Variants in GRM8 observed in about 807,000 individuals in gnomAD.
GRM8 encodes metabotropic glutamate receptor 8.
Under a neutral mutation model 87.2 loss-of-function variants are expected in GRM8, and 47 were observed. The ratio of observed to expected loss-of-function variants is 0.54; its 90% CI spans 0.43 to 0.69. GRM8 has a LOEUF of 0.69. Among genes scored for constraint, GRM8 ranks in the 30% least tolerant of loss-of-function variants. The probability of loss-of-function intolerance (pLI) is 0.00; values close to 1 mark genes in which losing one functional copy is unlikely to be tolerated. For synonymous variants in GRM8, 396 were observed against 404.5 expected (o/e 0.98, Z 0.25); for missense variants, 1,019 against 1,139.2 (o/e 0.89, Z 1.52).
intron 9 of GRM8, among the ~76,000 whole-genome samples, chr7:126,462,358 A>C (rs749500834): frequency 5.7e-4 from 87 of 151,668 alleles, no homozygotes; most frequent in Middle Eastern, 3.4e-3. Flanking sequence ...ATGAATCTTT[A>C]TTTCTAGGAT....
At chr7:126,442,780 T>C (rs1404949912) in intron 10 of GRM8, among the ~76,000 whole-genome samples, 1 of 151,940 alleles carries the variant, frequency 6.6e-6, no homozygotes, top group African/African-American at 2.4e-5. Context: ...AGAAAGAAAA[T>C]GGTAGAATTC....
chr7:126,839,219 C>A (rs1796057218), intron 6 of GRM8, among the ~76,000 whole-genome samples: 1 of 152,142 alleles, frequency 6.6e-6, no homozygotes, highest in African/African-American at 2.4e-5. Context: ...AAAACAGAGG[C>A]AGGTAAGATG....
At chr7:127,223,457 A>ATG (rs1563590639) in intron 2 of GRM8, among the ~76,000 whole-genome samples, 24 of 83,334 alleles carry the variant, frequency 2.9e-4, no homozygotes, top group South Asian at 1.2e-3. Context: ...ACACACACAC[A>ATG]CACACACACA....
chr7:126,878,559 G>A (rs369226151), intron 6 of GRM8, among the ~76,000 whole-genome samples: 194 of 139,088 alleles, frequency 1.4e-3, no homozygotes, highest in African/African-American at 4.7e-3. Flanking sequence ...TTGCTCTGTC[G>A]CACAGGCTGG....
At chr7:126,547,583 T>C (rs972946968) in intron 8 of GRM8, among the ~76,000 whole-genome samples, 5 of 151,878 alleles carry the variant, frequency 3.3e-5, no homozygotes, top group Non-Finnish European at 7.4e-5. Flanking sequence ...AAAGCTGAGA[T>C]AATCTCCCAG....
At chr7:126,525,607 C>T (rs1038000800) in intron 9 of GRM8, among the ~76,000 whole-genome samples, 3 of 152,170 alleles carry the variant, frequency 2.0e-5, no homozygotes, top group Non-Finnish European at 2.9e-5. Flanking sequence ...ATAGTAAGAA[C>T]CACTTATGCA....
At chr7:127,088,645 G>A (rs191942669) in intron 3 of GRM8, among the ~76,000 whole-genome samples, 136 of 152,278 alleles carry the variant, frequency 8.9e-4, no homozygotes, top group Admixed American at 2.1e-3. Context: ...TACGTAGAAC[G>A]CAGTGGTGTC....
intron 3 of GRM8, among the ~76,000 whole-genome samples, chr7:127,056,280 A>G (rs1448633034): frequency 6.6e-6 from 1 of 152,222 alleles, no homozygotes. Flanking sequence ...ACTATTACCT[A>G]GAAAGAGATA....
chr7:126,477,057 C>T (rs745819139), intron 9 of GRM8, among the ~76,000 whole-genome samples: 4 of 151,992 alleles, frequency 2.6e-5, no homozygotes, highest in Non-Finnish European at 4.4e-5. Flanking sequence ...TATTATTCAG[C>T]CTTAAAAAGA....
intron 9 of GRM8, among the ~76,000 whole-genome samples, chr7:126,509,985 C>A (rs954012786): frequency 6.6e-6 from 1 of 151,994 alleles, no homozygotes; most frequent in African/African-American, 2.4e-5. Flanking sequence ...AGCACATACA[C>A]ACACATGCAC....
intron 2 of GRM8, among the ~76,000 whole-genome samples, chr7:127,187,216 G>A (rs1040339411): frequency 5.3e-5 from 8 of 152,116 alleles, no homozygotes; most frequent in African/African-American, 1.7e-4. Flanking sequence ...GGTATTCCCT[G>A]ACAAAGACAA....
intron 2 of GRM8, among the ~76,000 whole-genome samples, chr7:127,118,550 G>A (rs563471125): frequency 1.1e-4 from 16 of 152,318 alleles, no homozygotes; most frequent in Admixed American, 4.6e-4. Flanking sequence ...ATGTGTACAT[G>A]TTCATTTTGC....
chr7:127,007,104 A>G (rs1288361299), intron 3 of GRM8, among the ~76,000 whole-genome samples: 2 of 152,004 alleles, frequency 1.3e-5, no homozygotes, highest in Non-Finnish European at 2.9e-5. Flanking sequence ...TCCTCCCCCT[A>G]GCAAAGGCAA....
intron 6 of GRM8, among the ~76,000 whole-genome samples, chr7:126,860,381 T>C (rs1448614560): frequency 6.6e-6 from 1 of 152,154 alleles, no homozygotes; most frequent in African/African-American, 2.4e-5. Context: ...AAGCTATTAA[T>C]AGACTATTGG....
At chr7:127,083,869 C>A (rs1823146202) in intron 3 of GRM8, among the ~76,000 whole-genome samples, 1 of 152,142 alleles carries the variant, frequency 6.6e-6, no homozygotes, top group South Asian at 2.1e-4. Context: ...ACAGAATTTA[C>A]CAACCACTGT....
chr7:126,694,886 C>T (rs558198301), intron 7 of GRM8, among the ~76,000 whole-genome samples: 1 of 152,188 alleles, frequency 6.6e-6, no homozygotes, highest in Admixed American at 6.5e-5. Flanking sequence ...ATGTGGCCAA[C>T]AACAATGGTC....
chr7:126,885,752 T>C (rs1041187021), intron 6 of GRM8, among the ~76,000 whole-genome samples: 4 of 152,200 alleles, frequency 2.6e-5, no homozygotes, highest in African/African-American at 9.6e-5. Flanking sequence ...CATTCAAGAA[T>C]GGTTTCAAAC....
rs1187501295 is a variant in GRM8, at chr7:127,238,273, C to T, written c.510+4422G>A. On this transcript the variant is annotated intron_variant, in intron 2 of 10. Coordinates refer to ENST00000339582, the MANE Select transcript of GRM8 (RefSeq NM_000845.3). Reference sequence around the variant, plus strand: ...GAAGCAATCACCTAGGTCTGCTCTGCCCCATGTTAGCTGATATACGATGTG... The same window carrying T: ...GAAGCAATCACCTAGGTCTGCTCTGTCCCATGTTAGCTGATATACGATGTG... Among the ~76,000 whole-genome samples, 4 of 151,746 alleles carry T rather than the reference C, an allele frequency of 2.6e-5. No individual in the cohort carries two copies. In the South Asian group the frequency reaches 8.3e-4, roughly 32 times the overall value.
chr7:127,240,424 CAAA>C (rs11305864), intron 2 of GRM8, among the ~76,000 whole-genome samples: 87 of 141,302 alleles, frequency 6.2e-4, no homozygotes, highest in African/African-American at 1.0e-3. Flanking sequence ...GATTCTATGG[CAAA>C]AAAAAAAAAA....
Sources: gnomAD v4.1 joint callset for allele counts (sites outside exome capture counted in the v4.1 genomes callset) on GRCh38, gnomAD v4.1.1 for gene constraint, MANE v1.5 for transcripts, NCBI Gene and HGNC (gene_info 2026-07-23, HGNC 2026-07-21) for gene names.